Variants in TNPO3 observed in about 807,000 individuals in gnomAD.
TNPO3 encodes transportin 3, also known as transportin-3.
Under a neutral mutation model 122.8 loss-of-function variants are expected in TNPO3, and 65 were observed. That is an observed-to-expected ratio of 0.53 (90% CI 0.43 to 0.65). The LOEUF (loss-of-function observed/expected upper bound fraction) is 0.65. Among genes scored for constraint, TNPO3 ranks in the 30% least tolerant of loss-of-function variants. The pLI is 0.00. For missense variants in TNPO3, 850 were observed against 1,136.7 expected, an observed-to-expected ratio of 0.75 and a Z score of 3.63; for synonymous variants, 372 against 411.2, an observed-to-expected ratio of 0.90 and a Z score of 1.15.
intron 1 of TNPO3, among the ~76,000 whole-genome samples, chr7:129,031,344 T>A (rs1256350399): frequency 6.6e-6 from 1 of 151,678 alleles, no homozygotes; most frequent in Admixed American, 6.6e-5. Flanking sequence ...TTTAAATAAC[T>A]AATCAGAAAT....
chr7:128,992,194 A>T (rs1468132309), intron 9 of TNPO3, 104 bp from the exon 10 acceptor site: 2 of 591,526 alleles, frequency 3.4e-6, no homozygotes, highest in Non-Finnish European at 5.9e-6. Flanking sequence ...TCTTGTTTCT[A>T]AATCTAATTA....
rs1554439863 is a variant in TNPO3 at position 129,003,064 on chromosome 7, A to AAG, written c.697-1831_697-1830insCT. Among the ~76,000 whole-genome samples the AAG allele has an allele frequency of 1.1e-3, 143 of 130,460 alleles. 1 individual carries two copies. The highest frequency in any genetic ancestry group is 3.9e-3 in the African/African-American group (136 of 35,312). 85.6% of individuals were successfully genotyped at this position (130,460 alleles called of 152,430 possible). On this transcript the variant is annotated intron_variant, in intron 5 of 22. Transcript: ENST00000265388. Reference sequence around the variant, plus strand: ...CAAAAAAAAAAAAAAAAAAAAAAAAATACAAAAAATTAGCCAGGTGTGGTG... The same window carrying AAG: ...CAAAAAAAAAAAAAAAAAAAAAAAAAAGTACAAAAAATTAGCCAGGTGTGGTG...
chr7:129,005,857 C>T (rs1435101693), intron 4 of TNPO3, among the ~76,000 whole-genome samples: 1 of 150,186 alleles, frequency 6.7e-6, no homozygotes, highest in Non-Finnish European at 1.5e-5. Context: ...TCTCGGCTCG[C>T]TGCAACCTCC....
At chr7:129,003,155 G>A (rs1188087747) in intron 5 of TNPO3, among the ~76,000 whole-genome samples, 2 of 150,522 alleles carry the variant, frequency 1.3e-5, no homozygotes, top group Admixed American at 6.6e-5. Context: ...CCCAGAGGGC[G>A]AAGGTTGCCG....
chr7:128,989,554 T>A lies in TNPO3; in HGVS notation c.1498+407A>T, dbSNP rs187931005. The stretch of plus-strand genomic sequence containing the variant: ...TTTGCAGTTATTTAGTTTTGAATAA[T>A]TCTTGGCTTTTAAATGAAGCATGTA... On this transcript the variant is annotated intron_variant, in intron 11 of 22. Transcript: ENST00000265388. 7.9e-5 allele frequency among the ~76,000 whole-genome samples: 12 copies of A among 152,364 alleles called. No homozygotes were observed. The East Asian group carries it at 1.9e-3, about 24-fold the overall frequency.
intron 7 of TNPO3, among the ~76,000 whole-genome samples, chr7:128,998,229 AC>A (rs1292030778): frequency 6.6e-6 from 1 of 152,042 alleles, no homozygotes; most frequent in East Asian, 2.0e-4. Flanking sequence ...TGTAGGTGGC[AC>A]ATGCCTGTAT....
At chr7:129,039,899 T>C (rs537764198) in intron 1 of TNPO3, among the ~76,000 whole-genome samples, 6 of 152,314 alleles carry the variant, frequency 3.9e-5, no homozygotes, top group East Asian at 1.9e-4. Flanking sequence ...AGTAGATTAG[T>C]AGCTGCCTAG....
chr7:128,966,482 C>T (rs925096521), intron 21 of TNPO3, among the ~76,000 whole-genome samples: 3 of 152,114 alleles, frequency 2.0e-5, no homozygotes, highest in African/African-American at 7.2e-5. Flanking sequence ...CTGTCATTAC[C>T]ATTAAGACCA....
At chr7:128,998,669 T>C (rs1003669735) in intron 7 of TNPO3, among the ~76,000 whole-genome samples, 4 of 151,298 alleles carry the variant, frequency 2.6e-5, no homozygotes, top group East Asian at 2.0e-4. Context: ...ATGAAAGGTG[T>C]GCACCACCAC....
At chr7:128,956,306 A>G (rs929603356) in intron 22 of TNPO3, among the ~76,000 whole-genome samples, 1 of 152,198 alleles carries the variant, frequency 6.6e-6, no homozygotes, top group African/African-American at 2.4e-5. Flanking sequence ...GCCTCCTGGG[A>G]GAAGAAACTC....
chr7:128,969,026 G>C (rs1798196613), intron 20 of TNPO3, among the ~76,000 whole-genome samples: 1 of 152,066 alleles, frequency 6.6e-6, no homozygotes, highest in South Asian at 2.1e-4. Context: ...GTGTCTGGCT[G>C]ATATACAGTA....
At chr7:128,987,280 C>G (rs1333024032) in intron 11 of TNPO3, among the ~76,000 whole-genome samples, 1 of 152,170 alleles carries the variant, frequency 6.6e-6, no homozygotes, top group African/African-American at 2.4e-5. Flanking sequence ...CAGGGAGTTA[C>G]AATTATACCG....
intron 13 of TNPO3, among the ~76,000 whole-genome samples, chr7:128,983,679 C>G (rs998361928): frequency 2.0e-5 from 3 of 152,190 alleles, no homozygotes; most frequent in African/African-American, 7.2e-5. Flanking sequence ...GTTCCTTTAA[C>G]CAACTGCAGA....
At chr7:129,005,771 T>A (rs1368702642) in intron 4 of TNPO3, among the ~76,000 whole-genome samples, 1 of 149,176 alleles carries the variant, frequency 6.7e-6, no homozygotes, top group East Asian at 1.9e-4. Flanking sequence ...TTCAGGTATT[T>A]CTTTTCTTTT....
intron 1 of TNPO3, among the ~76,000 whole-genome samples, chr7:129,053,714 T>G (rs1181384859): frequency 1.3e-5 from 2 of 152,042 alleles, no homozygotes; most frequent in African/African-American, 4.8e-5. Context: ...TAAAGGTGAG[T>G]ATTTTGTCAG....
chr7:128,959,743 C>T (rs372094355), intron 21 of TNPO3, among the ~76,000 whole-genome samples: 28 of 152,160 alleles, frequency 1.8e-4, no homozygotes, highest in East Asian at 1.5e-3. Context: ...TCCTTGAGGC[C>T]GGGCGCGGTG....
chr7:128,976,479 A>AT (rs200608642), intron 16 of TNPO3, among the ~76,000 whole-genome samples: 45 of 149,842 alleles, frequency 3.0e-4, no homozygotes, highest in South Asian at 6.3e-4. Flanking sequence ...GCACATTATT[A>AT]TTTTTTTTTT....
chr7:128,977,575 G>T (rs1015242571), intron 16 of TNPO3, among the ~76,000 whole-genome samples: 8 of 150,254 alleles, frequency 5.3e-5, no homozygotes, highest in Non-Finnish European at 1.5e-5. Context: ...ATTTAAGGGG[G>T]AACTCATTCT....
chr7:128,971,874 A>C (rs1469477331), intron 19 of TNPO3, among the ~76,000 whole-genome samples: 4 of 152,116 alleles, frequency 2.6e-5, no homozygotes, highest in Non-Finnish European at 5.9e-5. Context: ...CTGATCTCAT[A>C]CCAATCATGA....
Sources: allele counts gnomAD v4.1 joint callset (sites outside exome capture counted in the v4.1 genomes callset), GRCh38; gene constraint gnomAD v4.1.1; transcripts MANE v1.5; gene names NCBI Gene and HGNC (gene_info 2026-07-23, HGNC 2026-07-21).